The following CLIC5 variants were observed in gnomAD, a reference collection of about 807,000 sequenced individuals.
CLIC5 encodes the protein chloride intracellular channel protein 5.
CLIC5 carries 20 observed loss-of-function variants against 24.7 expected under a neutral mutation model. The ratio of observed to expected loss-of-function variants is 0.81; its 90% confidence interval spans 0.57 to 1.18. The LOEUF (loss-of-function observed/expected upper bound fraction) is 1.18. CLIC5 is among the 50% of genes most tolerant of loss of function. The pLI is 0.00. For missense variants in CLIC5, 341 were observed against 326.1 expected (o/e 1.05, Z -0.35); for synonymous variants, 159 against 135.6 (o/e 1.17, Z -1.20).
At chr6:45,966,776 G>A (rs1179993793) in intron 1 of CLIC5, among the ~76,000 whole-genome samples, 4 of 152,174 alleles carry the variant, frequency 2.6e-5, no homozygotes, top group Admixed American at 6.5e-5. Flanking sequence ...CCTGAAAGAA[G>A]TGCACCATTT....
In CLIC5 at chr6:46,072,154, G is replaced by A. The variant is rs528728878; in HGVS notation, c.540+7549C>T. Reference sequence around the variant, plus strand: ...ATGGGAATAGGCTTAATACCTGAGTGATGAAATAATCTGTACAACAAACCC... The same window carrying A: ...ATGGGAATAGGCTTAATACCTGAGTAATGAAATAATCTGTACAACAAACCC... On this transcript the variant is annotated intron_variant, in intron 1 of 5. Transcript: ENST00000185206. Among the ~76,000 whole-genome samples the A allele has an allele frequency of 2.0e-5, 3 of 151,142 alleles. No individual in the cohort carries two copies. The Admixed American group carries it at 2.0e-4, about 10-fold the overall frequency.
At chr6:45,986,239 C>CA (rs752291204) in intron 1 of CLIC5, among the ~76,000 whole-genome samples, 1 of 152,172 alleles carries the variant, frequency 6.6e-6, no homozygotes, top group Non-Finnish European at 1.5e-5. Flanking sequence ...CCTGACACAC[C>CA]ATCATTGATT....
At chr6:45,925,592 G>A (rs1216051595) in intron 4 of CLIC5, among the ~76,000 whole-genome samples, 1 of 152,202 alleles carries the variant, frequency 6.6e-6, no homozygotes, top group Admixed American at 6.5e-5. Context: ...TGAGATTACA[G>A]GCATGAGCCG....
upstream of CLIC5, among the ~76,000 whole-genome samples, chr6:46,020,015 T>A (rs530535429): frequency 2.1e-4 from 32 of 152,084 alleles, no homozygotes; most frequent in Admixed American, 1.4e-3. Context: ...ATAGCACAAG[T>A]AGACAAAAAA....
chr6:46,090,406 T>G, the CLIC5 span, among the ~76,000 whole-genome samples: 1,069 of 66,792 alleles, frequency 0.016, 17 homozygotes, highest in African/African-American at 0.042. Flanking sequence ...ACTTGATGGG[T>G]TTTTTTTTTT....
At chr6:46,114,197 T>C in the CLIC5 span, among the ~76,000 whole-genome samples, 3 of 152,214 alleles carry the variant, frequency 2.0e-5, no homozygotes, top group African/African-American at 7.2e-5. Flanking sequence ...CCAGCTCTGC[T>C]TTAAGTCTCT....
chr6:46,004,107 T>G (rs1239270164), intron 1 of CLIC5, among the ~76,000 whole-genome samples: 1 of 152,094 alleles, frequency 6.6e-6, no homozygotes, highest in Admixed American at 6.6e-5. Flanking sequence ...GTGGAAGCAG[T>G]TGAAGTTGAT....
chr6:45,941,773 G>T, intron 3 of CLIC5, 120 bp from the exon 4 acceptor site: 2 of 810,090 alleles, frequency 2.5e-6, no homozygotes, highest in Non-Finnish European at 4.2e-6. Context: ...AAATGTTTTG[G>T]GGGTCTTTAT....
At chr6:45,930,851 C>A (rs903954245) in intron 4 of CLIC5, among the ~76,000 whole-genome samples, 14 of 152,330 alleles carry the variant, frequency 9.2e-5, no homozygotes, top group African/African-American at 3.4e-4. Context: ...GGTGCTATTA[C>A]AATCTCCATA....
intron 4 of CLIC5, among the ~76,000 whole-genome samples, chr6:45,927,417 T>C (rs1763542740): frequency 6.6e-6 from 1 of 152,138 alleles, no homozygotes; most frequent in Non-Finnish European, 1.5e-5. Flanking sequence ...GAAACCAGGA[T>C]ATGCCACCCC....
chr6:46,058,096 T>TG (rs201766962), intron 1 of CLIC5, among the ~76,000 whole-genome samples: 43,733 of 141,884 alleles, frequency 0.31, 6,360 homozygotes, highest in Admixed American at 0.4. Flanking sequence ...TGTGTGTGTG[T>TG]TTGTCTGGAT....
At chr6:46,033,175 G>C (rs573369013) in intron 1 of CLIC5, among the ~76,000 whole-genome samples, 1 of 151,406 alleles carries the variant, frequency 6.6e-6, no homozygotes, top group South Asian at 2.1e-4. Flanking sequence ...TTTTAGTACC[G>C]ACAGGGTTTC....
chr6:45,995,093 C>T (rs960175316), intron 1 of CLIC5, among the ~76,000 whole-genome samples: 3 of 152,064 alleles, frequency 2.0e-5, no homozygotes, highest in Non-Finnish European at 4.4e-5. Context: ...GAACACTGTT[C>T]CTTCACCCCA....
At chr6:45,913,361 T>C (rs190870328) in intron 5 of CLIC5, among the ~76,000 whole-genome samples, 63 of 152,310 alleles carry the variant, frequency 4.1e-4, no homozygotes, top group Admixed American at 3.5e-3. Context: ...AACTACTGTC[T>C]TCAAATGAGG....
At chr6:46,105,022 C>A in the CLIC5 span, among the ~76,000 whole-genome samples, 2 of 152,070 alleles carry the variant, frequency 1.3e-5, no homozygotes, top group East Asian at 1.9e-4. Flanking sequence ...TGGGAGTAGG[C>A]ATTTATTGGT....
chr6:45,968,502 A>T (rs1184420560), intron 1 of CLIC5, among the ~76,000 whole-genome samples: 1 of 152,090 alleles, frequency 6.6e-6, no homozygotes, highest in Non-Finnish European at 1.5e-5. Context: ...CCTATGTGAG[A>T]TCCTGCCAAC....
At chr6:46,107,957 C>G in the CLIC5 span, among the ~76,000 whole-genome samples, 1,111 of 147,376 alleles carry the variant, frequency 7.5e-3, 13 homozygotes, top group African/African-American at 0.026. Flanking sequence ...TTGCTTGAAC[C>G]CAGGAGGCTG....
chr6:45,978,603 C>G (rs1005697505), intron 1 of CLIC5, among the ~76,000 whole-genome samples: 3 of 152,162 alleles, frequency 2.0e-5, no homozygotes, highest in Admixed American at 6.5e-5. Context: ...ACAAGTGATG[C>G]TGAGGCTTCT....
the CLIC5 span, among the ~76,000 whole-genome samples, chr6:46,112,844 G>T: frequency 8.5e-5 from 13 of 152,264 alleles, no homozygotes; most frequent in South Asian, 2.7e-3. Context: ...ATCACCTGAG[G>T]TCAGGAGTTT....
Sources: gnomAD v4.1 joint callset for allele counts (sites outside exome capture counted in the v4.1 genomes callset) on GRCh38, gnomAD v4.1.1 for gene constraint, MANE v1.5 for transcripts, NCBI Gene and HGNC (gene_info 2026-07-23, HGNC 2026-07-21) for gene names.